The following UVRAG variants were observed in gnomAD, a reference collection of about 807,000 sequenced individuals.
The protein encoded by UVRAG is UV radiation resistance-associated gene protein.
In UVRAG, 19 loss-of-function variants were observed where a neutral mutation model predicts 78.0. The observed-to-expected ratio is 0.24, with a 90% CI of 0.17 to 0.36. UVRAG has a LOEUF of 0.36. UVRAG is among the 10% of genes least tolerant of loss of function. UVRAG has a pLI of 1.00. For missense variants in UVRAG, 740 were observed against 853.8 expected, an observed-to-expected ratio of 0.87 and a Z score of 1.66; for synonymous variants, 323 against 324.6, an observed-to-expected ratio of 1.00 and a Z score of 0.05.
intron 2 of UVRAG, among the ~76,000 whole-genome samples, chr11:75,857,364 C>CT (rs1256730185): frequency 6.6e-6 from 1 of 152,206 alleles, no homozygotes; most frequent in Non-Finnish European, 1.5e-5. Flanking sequence ...GAAATTGTAG[C>CT]TGTTGCTTGA....
In UVRAG at chr11:76,004,084, A is replaced by C; in HGVS notation, c.906A>C (p.Ala302=). ...SLNELRKECT[A]KRELFLKTNA... ...ATGAGCTGAGGAAGGAGTGCACTGC[A>C]AAAAGGTAAATGCACACTGAGAAGA... The change falls in exon 9 of 15, where the codon GCA becomes GCC. Residue 302 remains alanine, a synonymous_variant. Transcript: ENST00000356136. 6.2e-7 allele frequency: 1 copy of C among 1,613,836 alleles called. No homozygotes were observed. The highest frequency in any genetic ancestry group is 2.2e-5 in the East Asian group (1 of 44,862).
chr11:75,880,928 C>CTTTTTTTTTT (rs773034018), intron 4 of UVRAG, among the ~76,000 whole-genome samples: 1 of 87,710 alleles, frequency 1.1e-5, no homozygotes, highest in Non-Finnish European at 2.3e-5. Flanking sequence ...TTATTTACTT[C>CTTTTTTTTTT]TTTTTTTTTT....
chr11:75,953,439 T>C (rs1245292166), intron 6 of UVRAG, among the ~76,000 whole-genome samples: 1 of 152,198 alleles, frequency 6.6e-6, no homozygotes, highest in African/African-American at 2.4e-5. Context: ...AGGTATTGAT[T>C]TGTTTCATAG....
At chr11:76,073,871 T>A (rs1302332977) in intron 13 of UVRAG, among the ~76,000 whole-genome samples, 1 of 152,174 alleles carries the variant, frequency 6.6e-6, no homozygotes, top group Non-Finnish European at 1.5e-5. Flanking sequence ...CAGCTGCGTA[T>A]CTGTATAAGG....
intron 8 of UVRAG, among the ~76,000 whole-genome samples, chr11:75,988,032 C>T (rs1042636418): frequency 1.2e-4 from 18 of 152,272 alleles, no homozygotes; most frequent in African/African-American, 2.2e-4. Flanking sequence ...GCCACCAGCC[C>T]GGCCGCATTA....
At chr11:76,003,954 T>C (rs1422940054) in intron 8 of UVRAG, 51 bp from the exon 9 acceptor site, 2 of 1,548,088 alleles carry the variant, frequency 1.3e-6, no homozygotes, top group East Asian at 4.5e-5. Context: ...TTGGTTGTGA[T>C]TGAGTAATCC....
At chr11:75,910,340 C>T (rs775706362) in intron 5 of UVRAG, among the ~76,000 whole-genome samples, 7 of 152,058 alleles carry the variant, frequency 4.6e-5, no homozygotes, top group Admixed American at 6.6e-5. Flanking sequence ...TTACTATTAT[C>T]ATCTCCATAT....
chr11:75,905,716 CATTT>C (rs1378334623), intron 5 of UVRAG, among the ~76,000 whole-genome samples: 16 of 152,060 alleles, frequency 1.1e-4, no homozygotes, highest in African/African-American at 3.9e-4. Flanking sequence ...TGTTGATAGA[CATTT>C]GTGTTGTTTC....
chr11:76,093,675 A>G (rs1372840078), intron 13 of UVRAG, among the ~76,000 whole-genome samples: 2 of 152,120 alleles, frequency 1.3e-5, no homozygotes, highest in Non-Finnish European at 2.9e-5. Context: ...TTATTGGTGT[A>G]TAAGAATTCT....
chr11:76,052,945 GTATC>G (rs1401837020), intron 12 of UVRAG, among the ~76,000 whole-genome samples: 5 of 149,268 alleles, frequency 3.3e-5, no homozygotes, highest in South Asian at 2.1e-4. Context: ...ATATTATAGA[GTATC>G]TATATACTAT....
intron 11 of UVRAG, among the ~76,000 whole-genome samples, chr11:76,009,559 TA>T (rs1950012563): frequency 6.6e-6 from 1 of 152,138 alleles, no homozygotes; most frequent in African/African-American, 2.4e-5. Context: ...CTTTATAGAT[TA>T]TTCCCAAGCC....
chr11:76,089,989 T>A (rs1367055271), intron 13 of UVRAG, among the ~76,000 whole-genome samples: 1 of 152,180 alleles, frequency 6.6e-6, no homozygotes, highest in Non-Finnish European at 1.5e-5. Flanking sequence ...TGGACCTGCC[T>A]TATTCTACCT....
chr11:76,040,698 G>A (rs1176270744), intron 12 of UVRAG, among the ~76,000 whole-genome samples: 1 of 151,972 alleles, frequency 6.6e-6, no homozygotes, highest in Non-Finnish European at 1.5e-5. Flanking sequence ...TGGGATTACA[G>A]GCACGCGCAA....
At chr11:76,111,917 A>AT (rs1297560165) in intron 13 of UVRAG, among the ~76,000 whole-genome samples, 1 of 151,644 alleles carries the variant, frequency 6.6e-6, no homozygotes, top group African/African-American at 2.4e-5. Context: ...TAAAAAAAAA[A>AT]GTCTAAAATA....
At chr11:75,927,991 A>G (rs571504002) in intron 6 of UVRAG, among the ~76,000 whole-genome samples, 3 of 152,116 alleles carry the variant, frequency 2.0e-5, no homozygotes, top group Admixed American at 1.3e-4. Context: ...AGTCCCAGCT[A>G]CTTGGGAGGA....
intron 13 of UVRAG, among the ~76,000 whole-genome samples, chr11:76,068,639 T>C (rs1712796185): frequency 6.6e-6 from 1 of 152,228 alleles, no homozygotes; most frequent in South Asian, 2.1e-4. Context: ...CTTTCACTTT[T>C]TTTGCTTCAG....
At chr11:75,874,855 T>C (rs1445266839) in intron 3 of UVRAG, among the ~76,000 whole-genome samples, 1 of 152,180 alleles carries the variant, frequency 6.6e-6, no homozygotes, top group Non-Finnish European at 1.5e-5. Context: ...AGCACTTTCC[T>C]CTCTACCACT....
In UVRAG at chr11:76,059,971, C is replaced by T. The variant is rs1479515506; in HGVS notation, c.1227-5739C>T. Among the ~76,000 whole-genome samples, 3 of 152,248 alleles carry T rather than the reference C, an allele frequency of 2.0e-5. No homozygotes were observed. The South Asian group carries it at 6.2e-4, about 32-fold the overall frequency. The stretch of plus-strand genomic sequence containing the variant: ...ATAGCCATGTCCTCATCCCCAGTTG[C>T]CATCAAATAACTAAATCTGGATGTG... On this transcript the variant is annotated intron_variant, in intron 12 of 14. Transcript: ENST00000356136.
chr11:75,987,085 G>A (rs1004748442), intron 8 of UVRAG, among the ~76,000 whole-genome samples: 8 of 152,140 alleles, frequency 5.3e-5, no homozygotes, highest in Non-Finnish European at 1.2e-4. Context: ...ACAACTTTTT[G>A]TAGGGATGTT....
Sources: gnomAD v4.1 joint callset for allele counts (sites outside exome capture counted in the v4.1 genomes callset) on GRCh38, gnomAD v4.1.1 for gene constraint, MANE v1.5 for transcripts, NCBI Gene and HGNC (gene_info 2026-07-23, HGNC 2026-07-21) for gene names.